TRPM3: variants seen among roughly 807,000 people sequenced by gnomAD.
The protein encoded by TRPM3 is long transient receptor potential channel 3.
A neutral mutation model predicts 181.2 loss-of-function variants in TRPM3; 77 were observed. The observed-to-expected ratio is 0.42, with a 90% CI of 0.35 to 0.51. TRPM3 has a LOEUF of 0.51. Ranked by LOEUF, TRPM3 falls within the 20% of genes least tolerant of loss-of-function variation. TRPM3 has a pLI of 0.01. For synonymous variants in TRPM3, 745 were observed against 796.4 expected, an observed-to-expected ratio of 0.94 and a Z score of 1.09; for missense variants, 1,759 against 2,196.7, an observed-to-expected ratio of 0.80 and a Z score of 3.98.
intron 1 of TRPM3, among the ~76,000 whole-genome samples, chr9:71,067,241 G>A (rs2062047511): frequency 6.6e-6 from 1 of 151,958 alleles, no homozygotes; most frequent in Non-Finnish European, 1.5e-5. Context: ...TTTTTAACTA[G>A]CAAGGCAGCA....
At chr9:70,974,411 C>T (rs1360539265) in intron 1 of TRPM3, among the ~76,000 whole-genome samples, 1 of 133,410 alleles carries the variant, frequency 7.5e-6, no homozygotes, top group Non-Finnish European at 1.6e-5. Context: ...TGGTGGCGGG[C>T]TCCTGTAGTA....
At chr9:70,889,024 G>A (rs2096145301) in intron 1 of TRPM3, among the ~76,000 whole-genome samples, 2 of 152,156 alleles carry the variant, frequency 1.3e-5, no homozygotes, top group African/African-American at 4.8e-5. Flanking sequence ...GAATGGATGG[G>A]TAGTAATTAA....
chr9:71,287,834 T>C (rs542406658), intron 1 of TRPM3, among the ~76,000 whole-genome samples: 4 of 152,276 alleles, frequency 2.6e-5, no homozygotes, highest in Admixed American at 2.6e-4. Context: ...CGATGTCACA[T>C]ACGCAGTAAC....
intron 1 of TRPM3, among the ~76,000 whole-genome samples, chr9:71,104,928 C>G: frequency 6.6e-6 from 1 of 152,146 alleles, no homozygotes; most frequent in East Asian, 1.9e-4. Context: ...AACTCTTTGG[C>G]AGTTCCTACT....
At chr9:70,648,832 C>T (rs2059249679) in intron 9 of TRPM3, among the ~76,000 whole-genome samples, 1 of 152,072 alleles carries the variant, frequency 6.6e-6, no homozygotes, top group South Asian at 2.1e-4. Context: ...TCACTATATA[C>T]AAAAATCAAC....
intron 1 of TRPM3, among the ~76,000 whole-genome samples, chr9:71,397,169 A>T (rs1463749838): frequency 1.3e-5 from 2 of 152,242 alleles, no homozygotes; most frequent in African/African-American, 4.8e-5. Flanking sequence ...CCAATAATAA[A>T]ATATATTTCC....
At chr9:71,238,041 G>A (rs2081464034) in intron 1 of TRPM3, among the ~76,000 whole-genome samples, 3 of 152,174 alleles carry the variant, frequency 2.0e-5, no homozygotes, top group Admixed American at 2.0e-4. Flanking sequence ...GCGTGTATCT[G>A]TCAAACTTCT....
At chr9:71,345,671 T>A (rs1039113346) in intron 1 of TRPM3, among the ~76,000 whole-genome samples, 2 of 152,128 alleles carry the variant, frequency 1.3e-5, no homozygotes, top group Non-Finnish European at 2.9e-5. Flanking sequence ...CAAGCCACCA[T>A]GGTACACATA....
chr9:70,809,927 C>G (rs769281259), intron 6 of TRPM3: 2 of 531,682 alleles, frequency 3.8e-6, no homozygotes, highest in Admixed American at 3.9e-5. Context: ...AATTTCATGT[C>G]ATGGTTATCC....
At chr9:71,181,665 A>C (rs2077411917) in intron 1 of TRPM3, among the ~76,000 whole-genome samples, 1 of 152,114 alleles carries the variant, frequency 6.6e-6, no homozygotes, top group Admixed American at 6.6e-5. Context: ...TTTCTCTTTG[A>C]AACAAAAAAG....
chr9:71,360,293 G>C (rs930014522), intron 1 of TRPM3, among the ~76,000 whole-genome samples: 1 of 152,082 alleles, frequency 6.6e-6, no homozygotes, highest in Non-Finnish European at 1.5e-5. Flanking sequence ...GACCTTGAAC[G>C]AGTCTCTACC....
At chr9:70,889,741 T>C (rs1022829251) in intron 1 of TRPM3, among the ~76,000 whole-genome samples, 8 of 151,874 alleles carry the variant, frequency 5.3e-5, no homozygotes, top group Admixed American at 2.6e-4. Context: ...GTTTAAGTAA[T>C]AGAAAAGGCT....
At chr9:70,694,648 T>C (rs538597502) in intron 8 of TRPM3, among the ~76,000 whole-genome samples, 2 of 151,990 alleles carry the variant, frequency 1.3e-5, no homozygotes, top group African/African-American at 2.4e-5. Flanking sequence ...GCCCGGCTAA[T>C]TTTTTGTATT....
chr9:71,026,117 G>A (rs2097894803), intron 1 of TRPM3, among the ~76,000 whole-genome samples: 2 of 152,206 alleles, frequency 1.3e-5, no homozygotes, highest in Admixed American at 1.3e-4. Context: ...AGTCCAGAAG[G>A]TTTGGTGTGG....
intron 1 of TRPM3, among the ~76,000 whole-genome samples, chr9:70,947,984 C>T (rs2096954047): frequency 6.6e-6 from 1 of 151,990 alleles, no homozygotes; most frequent in African/African-American, 2.4e-5. Context: ...TTAAATTGTT[C>T]CTGTTTTTCT....
At position 70,743,117 on chromosome 9, in the gene TRPM3, C is replaced by T. The variant is rs575393637; in HGVS notation, c.1272+18484G>A. On this transcript the variant is annotated intron_variant, in intron 8 of 25. Coordinates refer to ENST00000677713, the MANE Select transcript of TRPM3 (RefSeq NM_001366145.2). ...AACAAAGTCACACAGGTGGGATATT[C>T]ACAGATTTTTCAAAAAGTACATTTG... Among the ~76,000 whole-genome samples the T allele has an allele frequency of 2.6e-5, 4 of 152,100 alleles. No homozygotes were observed. In the South Asian group the frequency reaches 6.2e-4, roughly 24 times the overall value.
Position 70,531,812 on chromosome 9 carries a change from C to T in TRPM3, c.*4141G>A, listed in dbSNP as rs899710351. ...AAATCACAACTTGCCTACCACAGCT[C>T]GCAGGACTCATTAGAGGATATACAT... On this transcript the variant is annotated 3_prime_UTR_variant, in exon 26 of 26. Transcript: ENST00000677713. The T allele has an allele frequency of 1.3e-5, 2 of 152,056 alleles. No individual in the cohort carries two copies. Among genetic ancestry groups the T allele is most frequent in the South Asian group, 2.1e-4 (1 of 4,810 alleles). The allele number at this position is 152,056 out of a possible 1,614,324, so 9.4% of individuals were successfully genotyped here. A position where few individuals can be genotyped will look rare whatever the true frequency, so the allele number is the denominator to read the frequency against.
At chr9:71,138,746 C>T (rs1329977535) in intron 1 of TRPM3, among the ~76,000 whole-genome samples, 1 of 152,170 alleles carries the variant, frequency 6.6e-6, no homozygotes, top group African/African-American at 2.4e-5. Context: ...AAACAGAAAT[C>T]ATATCAGGCT....
At chr9:70,573,556 T>G (rs1483899805) in intron 22 of TRPM3, among the ~76,000 whole-genome samples, 1 of 152,018 alleles carries the variant, frequency 6.6e-6, no homozygotes, top group Non-Finnish European at 1.5e-5. Context: ...AACCTCTCAA[T>G]GTCAATGATG....
Sources: allele counts gnomAD v4.1 joint callset (sites outside exome capture counted in the v4.1 genomes callset), GRCh38; gene constraint gnomAD v4.1.1; transcripts MANE v1.5; gene names NCBI Gene and HGNC (gene_info 2026-07-23, HGNC 2026-07-21).